The following KIF26B variants were observed in gnomAD, a reference collection of about 807,000 sequenced individuals.
KIF26B encodes kinesin-like protein KIF26B.
A neutral mutation model predicts 151.2 loss-of-function variants in KIF26B; 63 were observed. The ratio of observed to expected loss-of-function variants is 0.42; its 90% CI spans 0.34 to 0.51. The LOEUF (loss-of-function observed/expected upper bound fraction) is 0.51. Ranked by LOEUF, KIF26B falls within the 20% of genes least tolerant of loss-of-function variation. The pLI is 0.07. For synonymous variants in KIF26B, 1,357 were observed against 1,262.1 expected (o/e 1.08, Z -1.59); for missense variants, 2,813 against 2,913.6 (o/e 0.97, Z 0.79).
At chr1:245,629,208 A>T (rs964570933) in intron 9 of KIF26B, among the ~76,000 whole-genome samples, 1 of 152,044 alleles carries the variant, frequency 6.6e-6, no homozygotes, top group Non-Finnish European at 1.5e-5. Flanking sequence ...TTCCCATCAA[A>T]CTACACTGAC....
Position 245,698,765 on chromosome 1 carries a change from C to A in KIF26B, c.6028-122C>A. On this transcript the variant is annotated intron_variant, in intron 13 of 14. Transcript: ENST00000407071. The surrounding 1 kb of genome is among the most constrained non-coding windows in gnomAD (Gnocchi z 4.0). Reference sequence around the variant, plus strand: ...AAGGGAGAATTTGGTGGGGATGACCCATGTCCCTCCCACACGTCTCCAAGC... The same window carrying A: ...AAGGGAGAATTTGGTGGGGATGACCAATGTCCCTCCCACACGTCTCCAAGC... 8.3e-7 allele frequency: 1 copy of A among 1,200,610 alleles called. No homozygotes were observed. The highest frequency in any genetic ancestry group is 1.2e-6 in the Non-Finnish European group (1 of 860,224). 74.4% of individuals were successfully genotyped at this position (1,200,610 alleles called of 1,614,324 possible). A position where few individuals can be genotyped will look rare whatever the true frequency, so the allele number is the denominator to read the frequency against.
At chr1:245,280,529 T>TTAAA in intron 2 of KIF26B, among the ~76,000 whole-genome samples, 1 of 22,306 alleles carries the variant, frequency 4.5e-5, no homozygotes, top group East Asian at 1.6e-3. Context: ...AGACTCTGTC[T>TTAAA]CAAAAAAAAA....
rs1420268711 is a variant in KIF26B at position 245,495,427 on chromosome 1, A to T, written c.1167-45340A>T. On this transcript the variant is annotated intron_variant, in intron 4 of 14. Transcript: ENST00000407071. The surrounding 1 kb of genome is among the most constrained non-coding windows in gnomAD (Gnocchi z 4.2). ...ATTTTGGTATAGGTGTACAATGTGTACTGATCAAATCATGGTAATCAGCAT... is the reference window on the plus strand; with the variant it reads ...ATTTTGGTATAGGTGTACAATGTGTTCTGATCAAATCATGGTAATCAGCAT... Among the ~76,000 whole-genome samples the T allele has an allele frequency of 6.6e-6, 1 of 152,240 alleles. No homozygotes were observed. The highest frequency in any genetic ancestry group is 2.4e-5 in the African/African-American group (1 of 41,452).
intron 3 of KIF26B, among the ~76,000 whole-genome samples, chr1:245,381,859 G>A (rs1673419071): frequency 6.6e-6 from 1 of 152,134 alleles, no homozygotes; most frequent in South Asian, 2.1e-4. Flanking sequence ...GTTGCACTTG[G>A]CATAATGTCC....
intron 4 of KIF26B, among the ~76,000 whole-genome samples, chr1:245,478,810 T>C (rs1442315025): frequency 6.6e-6 from 1 of 151,744 alleles, no homozygotes; most frequent in Non-Finnish European, 1.5e-5. Context: ...CAGGATGTGA[T>C]GGCAGCGACG....
At position 245,705,938 on chromosome 1, in the gene KIF26B, T is replaced by C. The variant is rs1269345127; in HGVS notation, c.*3332T>C. The C allele has an allele frequency of 2.6e-5, 4 of 152,254 alleles. No homozygotes were observed. The highest frequency in any genetic ancestry group is 4.8e-5 in the African/African-American group (2 of 41,464). 9.4% of individuals were successfully genotyped at this position (152,254 alleles called of 1,614,324 possible). The stretch of plus-strand genomic sequence containing the variant: ...TCAGAACACTCTGCCCGTTGTTTAT[T>C]CGCCAGTTGCCATTCTTAACATGGG... On this transcript the variant is annotated 3_prime_UTR_variant, in exon 15 of 15. Transcript: ENST00000407071.
In KIF26B at chr1:245,684,275, C is replaced by G; in HGVS notation, c.2301C>G (p.Asn767Lys). 6 of 1,613,802 alleles carry G rather than the reference C, an allele frequency of 3.7e-6. No individual in the cohort carries two copies. The highest frequency in any genetic ancestry group is 5.1e-6 in the Non-Finnish European group (6 of 1,179,848). ...LAMLLRESLG[N>K]MNCRTTMIAH... is the part of the protein sequence containing the mutation. ...TGTTGCTGCGGGAGTCTCTGGGGAA[C>G]ATGAACTGCCGTACCACCATGATCG... is the stretch of plus-strand genomic sequence containing the variant. Residue 767 changes from asparagine (N) to lysine (K), a missense_variant, in exon 11 of 15, where the codon AAC becomes AAG. Asn to Lys is a moderately conservative substitution (Grantham distance 94). Around this residue, in one of 3 missense-constraint regions of KIF26B, gnomAD observed 2,060 missense variants for 2,088.6 expected, o/e 0.99. Transcript: ENST00000407071.
At chr1:245,607,809 G>A (rs367636675) in intron 7 of KIF26B, 65 bp downstream of exon 7, 1 of 1,279,680 alleles carries the variant, frequency 7.8e-7, no homozygotes, top group Non-Finnish European at 1.1e-6. Context: ...GCATTCCTCT[G>A]TCTCCCTCCC....
In KIF26B at chr1:245,566,702, G is replaced by A. The variant is rs370495005; in HGVS notation, c.1350+25752G>A. Among the ~76,000 whole-genome samples, 161 of 152,320 alleles carry A rather than the reference G, an allele frequency of 1.1e-3. 2 individuals are homozygous for A. In the South Asian group the frequency reaches 0.032, roughly 30 times the overall value. ...CCCAGCACTTTGGGAGGCCAAGGCAGGCGGATCAGAAGATCAGGAGTTCGA... is the reference window on the plus strand; with the variant it reads ...CCCAGCACTTTGGGAGGCCAAGGCAAGCGGATCAGAAGATCAGGAGTTCGA... On this transcript the variant is annotated intron_variant, in intron 5 of 14. Coordinates refer to ENST00000407071, the MANE Select transcript of KIF26B (RefSeq NM_018012.4).
At chr1:245,440,952 G>C (rs1659065141) in intron 4 of KIF26B, among the ~76,000 whole-genome samples, 1 of 152,188 alleles carries the variant, frequency 6.6e-6, no homozygotes, top group Admixed American at 6.5e-5. Context: ...GAGCAGATGC[G>C]AGAGGCATTT....
chr1:245,406,945 G>A (rs1213624247), intron 3 of KIF26B, among the ~76,000 whole-genome samples: 2 of 151,854 alleles, frequency 1.3e-5, no homozygotes, highest in African/African-American at 2.4e-5. Flanking sequence ...GCACCACCAC[G>A]CCTGGCTAAT....
chr1:245,263,539 G>A (rs992664355), intron 2 of KIF26B, among the ~76,000 whole-genome samples: 3 of 152,220 alleles, frequency 2.0e-5, no homozygotes, highest in Non-Finnish European at 2.9e-5. Context: ...GGAATACTTA[G>A]TATGTGCTAG....
chr1:245,593,634 G>A lies in KIF26B; in HGVS notation c.1351-8943G>A, dbSNP rs956689386. On this transcript the variant is annotated intron_variant, in intron 5 of 14. Coordinates refer to ENST00000407071, the MANE Select transcript of KIF26B (RefSeq NM_018012.4). ...GTGAACAGTGCCACAATAAACATAC[G>A]TGTGCATGTGTCTTTATAGTAGAAT... Among the ~76,000 whole-genome samples the A allele has an allele frequency of 3.9e-5, 6 of 152,228 alleles. No homozygotes were observed. In the East Asian group the frequency reaches 5.8e-4, roughly 15 times the overall value.
At chr1:245,204,690 A>G (rs1669366336) in intron 2 of KIF26B, among the ~76,000 whole-genome samples, 1 of 151,956 alleles carries the variant, frequency 6.6e-6, no homozygotes, top group Non-Finnish European at 1.5e-5. Flanking sequence ...AGGATCTCTT[A>G]AATTTCTCTT....
chr1:245,332,564 C>T (rs1245387898), intron 2 of KIF26B, among the ~76,000 whole-genome samples: 1 of 152,190 alleles, frequency 6.6e-6, no homozygotes, highest in Non-Finnish European at 1.5e-5. Context: ...GTTTCAGCCT[C>T]CACCTTTGTC....
At chr1:245,648,237 AGTT>A (rs2043975002) in intron 10 of KIF26B, among the ~76,000 whole-genome samples, 1 of 152,248 alleles carries the variant, frequency 6.6e-6, no homozygotes, top group Non-Finnish European at 1.5e-5. Context: ...TTCTATAAAT[AGTT>A]GTTGAATTGA....
intron 3 of KIF26B, among the ~76,000 whole-genome samples, chr1:245,410,262 G>A (rs930926063): frequency 2.0e-5 from 3 of 152,116 alleles, no homozygotes; most frequent in African/African-American, 4.8e-5. Flanking sequence ...AACACACCTC[G>A]TGACATCTAT....
chr1:245,189,996 G>A (rs550933773), intron 2 of KIF26B, among the ~76,000 whole-genome samples: 6 of 152,212 alleles, frequency 3.9e-5, no homozygotes, highest in African/African-American at 1.4e-4. Flanking sequence ...AGTATGGGGG[G>A]AAACCACCCC....
chr1:245,548,024 T>C (rs1558209527), intron 5 of KIF26B, among the ~76,000 whole-genome samples: 1 of 152,178 alleles, frequency 6.6e-6, no homozygotes, highest in Non-Finnish European at 1.5e-5. Flanking sequence ...TTCATATGAG[T>C]AGACAGGCTC....
Sources: gnomAD v4.1 joint callset for allele counts (sites outside exome capture counted in the v4.1 genomes callset) on GRCh38, gnomAD v4.1.1 for gene constraint, gnomAD v4.1.1 regional missense constraint, Gnocchi (gnomAD v3.1) non-coding constraint, MANE v1.5 for transcripts, NCBI Gene and HGNC (gene_info 2026-07-23, HGNC 2026-07-21) for gene names.